Variants in OPN1SW observed in about 807,000 individuals in gnomAD.
OPN1SW encodes the protein short-wave-sensitive opsin 1.
OPN1SW carries 25 observed loss-of-function variants against 31.9 expected under a neutral mutation model. That is an observed-to-expected ratio of 0.78 (90% CI 0.57 to 1.09). The LOEUF (loss-of-function observed/expected upper bound fraction) is 1.09. OPN1SW is among the 50% of genes least tolerant of loss of function. The pLI is 0.00. For synonymous variants in OPN1SW, 190 were observed against 171.9 expected, an observed-to-expected ratio of 1.11 and a Z score of -0.82; for missense variants, 424 against 448.0, an observed-to-expected ratio of 0.95 and a Z score of 0.48.
rs1255479667 is a variant in OPN1SW, at chr7:128,775,502, T to TA, written c.279dup (p.Asn94Ter). The TA allele has an allele frequency of 1.2e-6, 2 of 1,613,868 alleles. No individual in the cohort carries two copies. Among genetic ancestry groups the TA allele is most frequent in the Admixed American group, 1.7e-5 (1 of 59,994 alleles). ...TGGCGACCGAAGACGAAGTATCCGT[T>TA]ACAGCTGGCGACGAAGACAGGGAAG... On this transcript the variant is annotated frameshift_variant, in exon 1 of 5. Coordinates refer to ENST00000249389, the MANE Select transcript of OPN1SW (RefSeq NM_001385125.1). LOFTEE classifies it high-confidence loss of function.
rs778625008 is a variant in OPN1SW at position 128,773,812 on chromosome 7, A to C, written c.755T>G (p.Val252Gly). Residue 252 changes from valine (V) to glycine (G), a missense_variant, in exon 4 of 5, where the codon GTA (valine) becomes GGA (glycine). Val to Gly is a moderately radical substitution (Grantham distance 109). Coordinates refer to ENST00000249389, the MANE Select transcript of OPN1SW (RefSeq NM_001385125.1). ...CACGTAGCAGACACAGAAGGATCCT[A>C]CCATCACAACCACCATGCGGCTCAC... Reference protein sequence around the residue: ...REVSRMVVVMVGSFCVCYVPY... With the variant: ...REVSRMVVVMGGSFCVCYVPY... 1 of 1,614,082 alleles carries C rather than the reference A, an allele frequency of 6.2e-7. No homozygotes were observed. The highest frequency in any genetic ancestry group is 1.7e-5 in the Admixed American group (1 of 60,020).
At chr7:128,775,236 C>T (rs17476081) in intron 1 of OPN1SW, 82 bp from the exon 2 acceptor site, 492,505 of 1,468,684 alleles carry the variant, frequency 0.34, 88,941 homozygotes, top group Middle Eastern at 0.38. Context: ...TCGGGTGGAG[C>T]AAGCACAGAG....
chr7:128,774,978 A>G lies in OPN1SW; in HGVS notation c.512+8T>C. 6.2e-7 allele frequency: 1 copy of G among 1,613,864 alleles called. No individual in the cohort carries two copies. Among genetic ancestry groups the G allele is most frequent in the Non-Finnish European group, 8.5e-7 (1 of 1,180,014 alleles). On this transcript the variant is annotated splice_region_variant and intron_variant, in intron 2 of 4. Transcript: ENST00000249389. ...AGTTAACTCAGCACCACTGCCCTGC[A>G]CTCTCACCGGCTCCAGCCAAAGAAG...
intron 3 of OPN1SW, among the ~76,000 whole-genome samples, chr7:128,774,281 G>A (rs73238109): frequency 0.069 from 10,532 of 152,130 alleles, 464 homozygotes; most frequent in East Asian, 0.14. Flanking sequence ...TCTGTGGGAT[G>A]GGGGAGGGGG....
chr7:128,773,918 T>A, intron 3 of OPN1SW, 30 bp from the exon 4 acceptor site: 1 of 1,601,470 alleles, frequency 6.2e-7, no homozygotes, highest in East Asian at 2.2e-5. Flanking sequence ...GCATCACATC[T>A]CTCTTTTTCC....
At position 128,775,061 on chromosome 7, in the gene OPN1SW, T is replaced by C. The variant is rs1160623526; in HGVS notation, c.437A>G (p.His146Arg). ...GGTAGCCAGGACCACCGTCAGTGCA[T>C]GCTTGGAGCTGAAGCGGAAGTTGCC... ...PFGNFRFSSK[H>R]ALTVVLATWT... is the part of the protein sequence containing the mutation. The change falls in exon 2 of 5, where the codon CAT becomes CGT. Residue 146 changes from histidine (H) to arginine (R), a missense_variant. Coordinates refer to ENST00000249389, the MANE Select transcript of OPN1SW (RefSeq NM_001385125.1). 1.2e-6 allele frequency: 2 copies of C among 1,614,230 alleles called. No homozygotes were observed. Among genetic ancestry groups the C allele is most frequent in the Non-Finnish European group, 1.7e-6 (2 of 1,180,036 alleles).
At chr7:128,772,685 T>TA in intron 4 of OPN1SW, 26 bp from the exon 5 acceptor site, 2 of 1,613,958 alleles carry the variant, frequency 1.2e-6, no homozygotes, top group South Asian at 2.2e-5. Flanking sequence ...CAATTGGAGA[T>TA]AACCTTGGCA....
chr7:128,774,875 C>G, intron 2 of OPN1SW, 111 bp downstream of exon 2: 1 of 1,461,872 alleles, frequency 6.8e-7, no homozygotes, highest in Non-Finnish European at 9.4e-7. Context: ...CCTCATATTG[C>G]AACTCTTTAA....
intron 1 of OPN1SW, 75 bp from the exon 2 acceptor site, chr7:128,775,229 G>A: frequency 6.6e-7 from 1 of 1,515,584 alleles, no homozygotes; most frequent in Admixed American, 1.8e-5. Flanking sequence ...AAACAGATCG[G>A]GTGGAGCAAG....
In OPN1SW at chr7:128,773,850, C is replaced by T; in HGVS notation, c.717G>A (p.Lys239=). Residue 239 remains lysine (K), a synonymous_variant, in exon 4 of 5, where the codon AAG becomes AAA. Transcript: ENST00000249389. ...CCATGCGGCTCACCTCCCGTTCAGC[C>T]TTCTGGGTCGTAGCTGACTCCTGCT... ...AQQQESATTQ[K]AEREVSRMVV... is the part of the protein sequence containing the mutation. 6.2e-7 allele frequency: 1 copy of T among 1,613,592 alleles called. No individual in the cohort carries two copies. Among genetic ancestry groups the T allele is most frequent in the East Asian group, 2.2e-5 (1 of 44,880 alleles).
Position 128,774,605 on chromosome 7 carries a change from T to C in OPN1SW, c.571A>G (p.Lys191Glu), listed in dbSNP as rs1382546678. 1.2e-6 allele frequency: 2 copies of C among 1,614,044 alleles called. No homozygotes were observed. Among genetic ancestry groups the C allele is most frequent in the Non-Finnish European group, 1.7e-6 (2 of 1,180,030 alleles). Residue 191 changes from lysine to glutamate, a missense_variant, in exon 3 of 5, where the codon AAA (lysine) becomes GAA (glutamate). Coordinates refer to ENST00000249389, the MANE Select transcript of OPN1SW (RefSeq NM_001385125.1). The part of the protein sequence containing the change: ...CGPDWYTVGT[K>E]YRSESYTWFL... Reference sequence around the variant, plus strand: ...CACGTATAGGACTCGCTGCGGTATTTGGTGCCCACGGTGTACCAGTCAGGG... The same window carrying C: ...CACGTATAGGACTCGCTGCGGTATTCGGTGCCCACGGTGTACCAGTCAGGG...
Position 128,775,667 on chromosome 7 carries a change from C to T in OPN1SW, c.115G>A (p.Gly39Ser). 1 of 1,614,108 alleles carries T rather than the reference C, an allele frequency of 6.2e-7. No individual in the cohort carries two copies. Among genetic ancestry groups the T allele is most frequent in the Non-Finnish European group, 8.5e-7 (1 of 1,180,014 alleles). ...GGGAACCCTATAAGGAAGACAGTGCCCATGAAAGCTGCCTGGAGGTAGAAG... is the reference window on the plus strand; with the variant it reads ...GGGAACCCTATAAGGAAGACAGTGCTCATGAAAGCTGCCTGGAGGTAGAAG... ...WAFYLQAAFM[G>S]TVFLIGFPLN... The change falls in exon 1 of 5, where the codon GGC (glycine) becomes AGC (serine). Residue 39 changes from glycine (G) to serine (S), a missense_variant. Gly to Ser is a moderately conservative substitution (Grantham distance 56, BLOSUM62 0). Transcript: ENST00000249389.
chr7:128,773,697 C>A lies in OPN1SW; in HGVS notation c.870G>T (p.Lys290Asn), dbSNP rs761251666. ...TGATGGGATTGTAGATGCAAGCACT[C>A]TTGGAGAAGAATGAAGGAATGGTGA... Reference protein sequence around the residue: ...RLVTIPSFFSKSACIYNPIIY... With the variant: ...RLVTIPSFFSNSACIYNPIIY... The change falls in exon 4 of 5, where the codon AAG becomes AAT. Residue 290 changes from lysine (K) to asparagine (N), a missense_variant. By Grantham distance (94) the Lys-to-Asn change is moderately conservative (BLOSUM62 0). Transcript: ENST00000249389. The A allele has an allele frequency of 4.3e-6, 7 of 1,614,102 alleles. No homozygotes were observed. The highest frequency in any genetic ancestry group is 1.7e-5 in the Admixed American group (1 of 60,008).
chr7:128,775,764 A>C lies in OPN1SW; in HGVS notation c.18T>G (p.Phe6Leu). The change falls in exon 1 of 5, where the codon TTT (phenylalanine) becomes TTG (leucine). Residue 6 changes from phenylalanine to leucine, a missense_variant. By Grantham distance (22) the Phe-to-Leu change is conservative (BLOSUM62 0). Coordinates refer to ENST00000249389, the MANE Select transcript of OPN1SW (RefSeq NM_001385125.1). MSEEE[F>L]YLFKNISSVG... ...CTGAAGAGATATTTTTGAACAGATA[A>C]AACTCTTCCTCCGACATTTTTCTCA... 1.2e-6 allele frequency: 2 copies of C among 1,613,990 alleles called. No homozygotes were observed. The highest frequency in any genetic ancestry group is 1.7e-6 in the Non-Finnish European group (2 of 1,179,978).
chr7:128,774,798 C>A (rs1801723751), intron 2 of OPN1SW, 135 bp from the exon 3 acceptor site: 2 of 1,390,064 alleles, frequency 1.4e-6, no homozygotes, highest in South Asian at 1.2e-5. Flanking sequence ...TCTGTCCTGA[C>A]TGGGAGAAGC....
Position 128,775,584 on chromosome 7 carries a change from G to A in OPN1SW, c.198C>T (p.Leu66=). ...TLRYKKLRQP[L]NYILVNVSFG... ...AGGACACGTTGACCAGAATGTAGTT[G>A]AGGGGCTGCCGCAACTTTTTGTAGC... The change falls in exon 1 of 5, where the codon CTC becomes CTT. Residue 66 remains leucine (L), a synonymous_variant. Coordinates refer to ENST00000249389, the MANE Select transcript of OPN1SW (RefSeq NM_001385125.1). 1 of 1,614,132 alleles carries A rather than the reference G, an allele frequency of 6.2e-7. No homozygotes were observed. The highest frequency in any genetic ancestry group is 8.5e-7 in the Non-Finnish European group (1 of 1,179,996).
At chr7:128,773,378 T>C (rs1801673880) in intron 4 of OPN1SW, among the ~76,000 whole-genome samples, 1 of 152,190 alleles carries the variant, frequency 6.6e-6, no homozygotes, top group Non-Finnish European at 1.5e-5. Context: ...TGCACGAGTT[T>C]TTCAATAAAA....
In OPN1SW at chr7:128,773,814, C is replaced by G; in HGVS notation, c.753G>C (p.Met251Ile). 1 of 1,614,126 alleles carries G rather than the reference C, an allele frequency of 6.2e-7. No homozygotes were observed. Among genetic ancestry groups the G allele is most frequent in the Non-Finnish European group, 8.5e-7 (1 of 1,180,036 alleles). The change falls in exon 4 of 5, where the codon ATG (methionine) becomes ATC (isoleucine). Residue 251 changes from methionine to isoleucine, a missense_variant. Met to Ile is a conservative substitution (Grantham distance 10). Coordinates refer to ENST00000249389, the MANE Select transcript of OPN1SW (RefSeq NM_001385125.1). The stretch of plus-strand genomic sequence containing the variant: ...CGTAGCAGACACAGAAGGATCCTAC[C>G]ATCACAACCACCATGCGGCTCACCT... ...EREVSRMVVV[M>I]VGSFCVCYVP...
At chr7:128,774,062 G>A (rs542982108) in intron 3 of OPN1SW, among the ~76,000 whole-genome samples, 174 bp from the exon 4 acceptor site, 17 of 151,782 alleles carry the variant, frequency 1.1e-4, no homozygotes, top group Non-Finnish European at 1.6e-4. Flanking sequence ...TCCACCTCCC[G>A]GGTTCAAGTG....
Sources: gnomAD v4.1 joint callset for allele counts (sites outside exome capture counted in the v4.1 genomes callset) on GRCh38, gnomAD v4.1.1 for gene constraint, MANE v1.5 for transcripts, NCBI Gene and HGNC (gene_info 2026-07-23, HGNC 2026-07-21) for gene names.